The following PEMT variants were observed in gnomAD, a reference collection of about 807,000 sequenced individuals.
PEMT encodes the protein phosphatidylethanolamine N-methyltransferase, also known as phospholipid methyltransferase.
Under a neutral mutation model 27.4 loss-of-function variants are expected in PEMT, and 23 were observed. The observed-to-expected ratio is 0.84, with a 90% CI of 0.60 to 1.19. The LOEUF (loss-of-function observed/expected upper bound fraction) is 1.19, where lower values mean the gene tolerates loss of function less well. PEMT is among the 50% of genes most tolerant of loss of function. The probability of loss-of-function intolerance (pLI) is 0.00; values close to 1 mark genes in which losing one functional copy is unlikely to be tolerated. For missense variants in PEMT, 307 were observed against 310.1 expected (o/e 0.99, Z 0.07); for synonymous variants, 137 against 139.1 (o/e 0.98, Z 0.11).
At position 17,507,207 on chromosome 17, in the gene PEMT, CA is replaced by C. The variant is rs1460342100; in HGVS notation, c.579-907del. ...GCTCCCGCAGGTGCTGGGCTGCTGC[CA>C]GGGAGGAGGGAGGGAGGGAGGAAGA... On this transcript the variant is annotated intron_variant, in intron 5 of 6. Transcript: ENST00000255389. 5.1e-6 allele frequency: 8 copies of C among 1,554,580 alleles called. No individual in the cohort carries two copies. The African/African-American group carries it at 1.1e-4, about 21-fold the overall frequency.
intron 1 of PEMT, among the ~76,000 whole-genome samples, chr17:17,584,413 C>A (rs1258800573): frequency 5.3e-5 from 8 of 152,202 alleles, no homozygotes; most frequent in Admixed American, 5.2e-4. Flanking sequence ...CCTGCCTCGG[C>A]CTCCCAAAGT....
chr17:17,554,413 C>T (rs145014030), intron 2 of PEMT, among the ~76,000 whole-genome samples: 292 of 152,256 alleles, frequency 1.9e-3, no homozygotes, highest in African/African-American at 6.5e-3. Flanking sequence ...CCTCCGTGCA[C>T]GGCAAGCAGT....
chr17:17,562,823 G>C (rs758925289), intron 2 of PEMT, among the ~76,000 whole-genome samples: 1 of 152,002 alleles, frequency 6.6e-6, no homozygotes, highest in Non-Finnish European at 1.5e-5. Flanking sequence ...AAAAAAAAGA[G>C]AGAGAAATGC....
intron 2 of PEMT, among the ~76,000 whole-genome samples, chr17:17,550,516 A>G (rs1909581812): frequency 6.6e-6 from 1 of 151,712 alleles, no homozygotes; most frequent in South Asian, 2.1e-4. Context: ...ATGCCACAGC[A>G]CCTCCTACCA....
rs1476891439 is a variant in PEMT at position 17,513,226 on chromosome 17, G to A, written c.321-572C>T. On this transcript the variant is annotated intron_variant, in intron 3 of 6. Transcript: ENST00000255389. This position sits in a 1 kb window ranked among gnomAD's most constrained non-coding sequence, Gnocchi z 4.1. The stretch of plus-strand genomic sequence containing the variant: ...GACTTGCATTTAAAGGCACTTTGGG[G>A]GCCCTTAATGTCCTCCTCCACACCT... 6.6e-6 allele frequency among the ~76,000 whole-genome samples: 1 copy of A among 152,200 alleles called. No individual in the cohort carries two copies. Among genetic ancestry groups the A allele is most frequent in the Non-Finnish European group, 1.5e-5 (1 of 68,038 alleles).
intron 2 of PEMT, among the ~76,000 whole-genome samples, chr17:17,528,208 T>G (rs1428638730): frequency 1.3e-5 from 2 of 152,160 alleles, no homozygotes; most frequent in Non-Finnish European, 2.9e-5. Flanking sequence ...CCTTCCTGCT[T>G]TTGCCTCCCG....
intron 2 of PEMT, among the ~76,000 whole-genome samples, chr17:17,565,935 C>T (rs1910798023): frequency 6.6e-6 from 1 of 152,184 alleles, no homozygotes; most frequent in Non-Finnish European, 1.5e-5. Flanking sequence ...AGCCAGGCAG[C>T]TCCCGCAGCT....
intron 2 of PEMT, among the ~76,000 whole-genome samples, chr17:17,529,269 G>T (rs1597894474): frequency 2.0e-5 from 3 of 152,200 alleles, no homozygotes; most frequent in Admixed American, 6.5e-5. Flanking sequence ...TGCCAGGTGT[G>T]CACAGCCCTG....
At chr17:17,553,413 G>A (rs966888651) in intron 2 of PEMT, among the ~76,000 whole-genome samples, 4 of 152,182 alleles carry the variant, frequency 2.6e-5, no homozygotes, top group Non-Finnish European at 4.4e-5. Flanking sequence ...GTGAGAAGCC[G>A]ACAAGAGATG....
chr17:17,577,548 C>T (rs988585172), intron 1 of PEMT: 10 of 990,030 alleles, frequency 1.0e-5, no homozygotes, highest in South Asian at 9.2e-5. Flanking sequence ...GCCCACATCC[C>T]GGCCACGCCA....
At chr17:17,586,077 C>A (rs1047888960) in intron 1 of PEMT, among the ~76,000 whole-genome samples, 2 of 130,416 alleles carry the variant, frequency 1.5e-5, no homozygotes, top group South Asian at 2.4e-4. Flanking sequence ...AGCGAGACTC[C>A]GTCTCAAAAA....
chr17:17,542,387 C>G (rs1908955174), intron 2 of PEMT, among the ~76,000 whole-genome samples: 1 of 152,226 alleles, frequency 6.6e-6, no homozygotes, highest in Admixed American at 6.5e-5. Context: ...CCTCTGGGGA[C>G]TGGCTTGGGA....
At chr17:17,543,215 GAC>G (rs1909014350) in intron 2 of PEMT, among the ~76,000 whole-genome samples, 1 of 152,238 alleles carries the variant, frequency 6.6e-6, no homozygotes, top group Non-Finnish European at 1.5e-5. Context: ...TGTGACCACT[GAC>G]CGTCCACTGC....
At chr17:17,589,000 G>T (rs1912463957) in intron 1 of PEMT, among the ~76,000 whole-genome samples, 1 of 152,254 alleles carries the variant, frequency 6.6e-6, no homozygotes, top group Non-Finnish European at 1.5e-5. Context: ...CGCTCTTCTA[G>T]CCCAGGCTGG....
chr17:17,542,980 C>T (rs1009800434), intron 2 of PEMT, among the ~76,000 whole-genome samples: 1 of 152,260 alleles, frequency 6.6e-6, no homozygotes, highest in Admixed American at 6.5e-5. Context: ...TCCTCTCCAG[C>T]TGCCTTCCCC....
chr17:17,508,868 C>T (rs955219173), intron 5 of PEMT: 13 of 396,212 alleles, frequency 3.3e-5, no homozygotes, highest in African/African-American at 2.4e-4. Context: ...GGAGTTCTGT[C>T]AGCTGCGGGT....
At position 17,512,582 on chromosome 17, in the gene PEMT, G is replaced by A. The variant is rs753328073; in HGVS notation, c.393C>T (p.Leu131=). The A allele has an allele frequency of 9.3e-6, 15 of 1,608,148 alleles. No individual in the cohort carries two copies. The highest frequency in any genetic ancestry group is 1.2e-5 in the Non-Finnish European group (14 of 1,177,192). The part of the protein sequence containing the change: ...LDTPAAYSLG[L]ALLGLGVVLV... ...GCACGACGCCCAGTCCCAGGAGCGCGAGGCCCAGGCTGTAGGCCGCGGGGG... is the reference window on the plus strand; with the variant it reads ...GCACGACGCCCAGTCCCAGGAGCGCAAGGCCCAGGCTGTAGGCCGCGGGGG... Residue 131 remains leucine, a synonymous_variant, in exon 4 of 7, where the codon CTC becomes CTT. Coordinates refer to ENST00000255389, the MANE Select transcript of PEMT (RefSeq NM_148172.3). This position sits in a 1 kb window ranked among gnomAD's most constrained non-coding sequence, Gnocchi z 6.3.
At chr17:17,507,417 C>T (rs1056694023) in intron 5 of PEMT, 28 of 590,886 alleles carry the variant, frequency 4.7e-5, no homozygotes, top group Admixed American at 2.3e-4. Context: ...CTGTGGACCC[C>T]GTGGGGACCC....
intron 2 of PEMT, among the ~76,000 whole-genome samples, chr17:17,555,546 G>A (rs908673177): frequency 5.3e-5 from 8 of 152,198 alleles, no homozygotes; most frequent in African/African-American, 1.7e-4. Flanking sequence ...ACCTGGGCAG[G>A]GGCAGCATTC....
Sources: gnomAD v4.1 joint callset for allele counts (sites outside exome capture counted in the v4.1 genomes callset) on GRCh38, gnomAD v4.1.1 for gene constraint, Gnocchi (gnomAD v3.1) non-coding constraint, MANE v1.5 for transcripts, NCBI Gene and HGNC (gene_info 2026-07-23, HGNC 2026-07-21) for gene names.